Variants in NBPF12 observed in about 807,000 individuals in gnomAD.
NBPF12 encodes NBPF family member NBPF12.
Under a neutral mutation model 146.4 loss-of-function variants are expected in NBPF12, and 115 were observed. The ratio of observed to expected loss-of-function variants is 0.79; its 90% CI spans 0.68 to 0.92. The LOEUF is 0.92. Among genes scored for constraint, NBPF12 ranks in the 40% least tolerant of loss-of-function variants. NBPF12 has a pLI of 0.00. For synonymous variants in NBPF12, 385 were observed against 508.9 expected (o/e 0.76, Z 3.28); for missense variants, 1,205 against 1,326.8 (o/e 0.91, Z 1.43).
upstream of NBPF12, among the ~76,000 whole-genome samples, chr1:146,946,788 A>G (rs1342910090): frequency 5.9e-5 from 9 of 151,492 alleles, no homozygotes; most frequent in African/African-American, 1.5e-4. Context: ...ATTTTCTCCT[A>G]TGTTATCTCC....
chr1:146,980,469 T>C (rs1179101567), intron 19 of NBPF12, among the ~76,000 whole-genome samples: 1 of 151,908 alleles, frequency 6.6e-6, no homozygotes, highest in African/African-American at 2.4e-5. Context: ...TTCCTTTCCA[T>C]GTTTAGTGCT....
intron 21 of NBPF12, among the ~76,000 whole-genome samples, 190 bp from the exon 25 acceptor site, chr1:146,984,623 G>C (rs1439221004): frequency 1.7e-5 from 2 of 115,256 alleles, no homozygotes; most frequent in African/African-American, 3.7e-5. Flanking sequence ...GTGTGTGTGT[G>C]TCTTTCTCTT....
intron 13 of NBPF12, among the ~76,000 whole-genome samples, chr1:146,971,628 A>T (rs1361200588): frequency 2.0e-5 from 3 of 148,698 alleles, no homozygotes; most frequent in Non-Finnish European, 4.4e-5. Flanking sequence ...ATCTTTACGA[A>T]GAATACAAAA....
At position 146,994,128 on chromosome 1, in the gene NBPF12, GTC is replaced by G. The variant is rs1194794987; in HGVS notation, c.4131-192_4131-191del. Among the ~76,000 whole-genome samples the G allele has an allele frequency of 7.7e-5, 8 of 104,094 alleles. No homozygotes were observed. In the South Asian group the frequency reaches 2.1e-3, roughly 27 times the overall value. The allele number at this position is 104,094 out of a possible 152,430, so 68.3% of individuals were successfully genotyped here. A position where few individuals can be genotyped will look rare whatever the true frequency, so the allele number is the denominator to read the frequency against. On this transcript the variant is annotated intron_variant, in intron 33 of 33. Transcript: ENST00000617844. ...TGTCTCTGTCTCTGTCTCTGTCTCTGTCTCTCTCTCTCTGTCTTTCTCTTTCA... is the reference window on the plus strand; with the variant it reads ...TGTCTCTGTCTCTGTCTCTGTCTCTGTCTCTCTCTCTGTCTTTCTCTTTCA...
chr1:146,960,194 T>C, exon 4 of NBPF12: 2 of 787,222 alleles, frequency 2.5e-6, no homozygotes, highest in Non-Finnish European at 4.3e-6. Flanking sequence ...AGATGAACAT[T>C]CTAGAAATCA....
At chr1:146,987,617 C>T (rs1657858631) in intron 25 of NBPF12, among the ~76,000 whole-genome samples, 1 of 152,062 alleles carries the variant, frequency 6.6e-6, no homozygotes, top group African/African-American at 2.4e-5. Flanking sequence ...GGCACTAACT[C>T]AGAGTGTCCT....
chr1:146,963,389 G>T (rs1655984831), intron 6 of NBPF12, 80 bp downstream of exon 9: 6 of 1,596,696 alleles, frequency 3.8e-6, no homozygotes, highest in Non-Finnish European at 5.1e-6. Context: ...CATGATGACA[G>T]TTGTATCAGT....
rs1394103641 is a variant in NBPF12, at chr1:146,971,279, C to T, written c.1476C>T (p.Asn492=). The T allele has an allele frequency of 5.6e-6, 9 of 1,612,180 alleles. No homozygotes were observed. The African/African-American group carries it at 6.8e-5, about 12-fold the overall frequency. The change falls in exon 13 of 34, where the codon AAC becomes AAT. Residue 492 remains asparagine, a synonymous_variant. Coordinates refer to ENST00000617844, the Ensembl canonical transcript of NBPF12. ...ATAGCCACGGCCCTTGTGACTCCAA[C>T]CAGCCTCACAAGAACATCAAAATCA...
intron 2 of NBPF12, among the ~76,000 whole-genome samples, chr1:146,952,517 A>G (rs1655368065): frequency 6.6e-6 from 1 of 151,434 alleles, no homozygotes; most frequent in African/African-American, 2.4e-5. Flanking sequence ...AGTTGAAAAT[A>G]ACAATATCTT....
intron 5 of NBPF12, 34 bp from the exon 9 acceptor site, chr1:146,963,061 T>A (rs1481536773): frequency 1.2e-6 from 2 of 1,609,220 alleles, no homozygotes; most frequent in Admixed American, 3.3e-5. Context: ...TCAACGCTTT[T>A]CACTGTTAAA....
chr1:146,971,330 A>C, exon 13 of NBPF12: 1 of 1,612,150 alleles, frequency 6.2e-7, no homozygotes, highest in South Asian at 1.1e-5. Context: ...AAGTCAACTC[A>C]TCTCTGGTTG....
chr1:146,972,905 G>A, exon 14 of NBPF12: 3 of 1,038,964 alleles, frequency 2.9e-6, no homozygotes, highest in Non-Finnish European at 3.0e-6. Context: ...GCCTCAAAGA[G>A]AAATGTTTTG....
In NBPF12 at chr1:146,984,942, C is replaced by G. The variant is rs1437775847; in HGVS notation, c.2796C>G (p.Tyr932Ter). 4 of 1,554,030 alleles carry G rather than the reference C, an allele frequency of 2.6e-6. No individual in the cohort carries two copies. The African/African-American group carries it at 4.1e-5, about 16-fold the overall frequency. ...GCCAGCCCTACAGAAGTGCCTTTTA[C>G]GTATTGGAGCAACAGCGTGTTGGCT... The change falls in exon 22 of 34, where the codon TAC (tyrosine) becomes TAG (stop). Residue 932 changes from tyrosine to a stop codon, truncating the protein, a stop_gained. Coordinates refer to ENST00000617844, the Ensembl canonical transcript of NBPF12. LOFTEE classifies it high-confidence loss of function.
At chr1:146,961,709 A>C (rs1655861456) in intron 4 of NBPF12, among the ~76,000 whole-genome samples, 1 of 151,968 alleles carries the variant, frequency 6.6e-6, no homozygotes, top group African/African-American at 2.4e-5. Flanking sequence ...AATATTTTTA[A>C]AGTCCTTGAC....
chr1:146,970,241 A>T (rs1289539800), intron 11 of NBPF12, among the ~76,000 whole-genome samples: 1 of 149,870 alleles, frequency 6.7e-6, no homozygotes. Flanking sequence ...TCTCATGACG[A>T]ATAGAGGACT....
intron 12 of NBPF12, among the ~76,000 whole-genome samples, chr1:146,970,960 C>G (rs1455141825): frequency 6.6e-6 from 1 of 151,328 alleles, no homozygotes; most frequent in Non-Finnish European, 1.5e-5. Flanking sequence ...TCCTATTTGT[C>G]CAGTGCACTG....
At chr1:146,953,871 G>T (rs1419148385) in intron 2 of NBPF12, among the ~76,000 whole-genome samples, 1 of 151,962 alleles carries the variant, frequency 6.6e-6, no homozygotes, top group Non-Finnish European at 1.5e-5. Context: ...AGTATTGAAA[G>T]AATTGAAGCT....
intron 19 of NBPF12, among the ~76,000 whole-genome samples, chr1:146,982,527 G>A (rs1268385455): frequency 1.3e-5 from 2 of 151,824 alleles, no homozygotes; most frequent in Non-Finnish European, 2.9e-5. Context: ...GGAAAATGGG[G>A]CCCTTAATAC....
rs1657489686 is a variant in NBPF12 at position 146,983,019 on chromosome 1, T to A, written c.2542T>A (p.Ser848Thr). ...CTCAATTCCTCCTGAAAGGTTGGCC[T>A]CATACCAGTCTTACAGCAGCACATT... is the stretch of plus-strand genomic sequence containing the variant. Residue 848 changes from serine (S) to threonine (T), a missense_variant, in exon 20 of 34, where the codon TCA becomes ACA. By Grantham distance (58) the Ser-to-Thr change is moderately conservative. Coordinates refer to ENST00000617844, the Ensembl canonical transcript of NBPF12. 1.9e-6 allele frequency: 3 copies of A among 1,609,362 alleles called. No homozygotes were observed. In the Admixed American group the frequency reaches 5.0e-5, roughly 27 times the overall value.
Sources: gnomAD v4.1 joint callset for allele counts (sites outside exome capture counted in the v4.1 genomes callset) on GRCh38, gnomAD v4.1.1 for gene constraint, MANE v1.5 for transcripts, NCBI Gene and HGNC (gene_info 2026-07-23, HGNC 2026-07-21) for gene names.